Variants in SMG1 observed in about 807,000 individuals in gnomAD.
The protein encoded by SMG1 is serine/threonine-protein kinase SMG1.
SMG1 carries 22 observed loss-of-function variants against 419.9 expected under a neutral mutation model. The ratio of observed to expected loss-of-function variants is 0.05; its 90% CI spans 0.04 to 0.07. The LOEUF (loss-of-function observed/expected upper bound fraction) is 0.07. SMG1 is among the 10% of genes least tolerant of loss of function. SMG1 has a pLI of 1.00. For missense variants in SMG1, 3,185 were observed against 4,342.0 expected (o/e 0.73, Z 7.49); for synonymous variants, 1,538 against 1,553.5 (o/e 0.99, Z 0.23).
intron 15 of SMG1, 85 bp from the exon 16 acceptor site, chr16:18,871,567 C>T: frequency 3.7e-6 from 2 of 539,360 alleles, no homozygotes; most frequent in South Asian, 7.5e-5. Flanking sequence ...TTACATTGGT[C>T]TTCTCTTGGT....
chr16:18,869,639 A>T (rs567976903), intron 19 of SMG1, among the ~76,000 whole-genome samples: 1 of 151,896 alleles, frequency 6.6e-6, no homozygotes, highest in East Asian at 1.9e-4. Context: ...TGTTAACCAC[A>T]TTTCATTACT....
At position 18,859,092 on chromosome 16, in the gene SMG1, A is replaced by G. The variant is rs2035073364; in HGVS notation, c.4043T>C (p.Val1348Ala). The G allele has an allele frequency of 6.5e-7, 1 of 1,528,024 alleles. No homozygotes were observed. The highest frequency in any genetic ancestry group is 1.4e-5 in the African/African-American group (1 of 73,004). The allele number at this position is 1,528,024 out of a possible 1,614,324, so 94.7% of individuals were successfully genotyped here. ...GCAATACAGCTGCAAGGTACTTAGA[A>G]CTGGCAAAGACTGTGAAACTGTTAA... Reference protein sequence around the residue: ...STLTVSQSLPVLSTLQLYCSS... With the variant: ...STLTVSQSLPALSTLQLYCSS... Residue 1348 changes from valine (V) to alanine (A), a missense_variant, in exon 28 of 63, where the codon GTT becomes GCT. Physicochemically the swap from Val to Ala is moderately conservative, Grantham distance 64. Transcript: ENST00000446231.
At chr16:18,916,782 T>C (rs901298653) in intron 1 of SMG1, among the ~76,000 whole-genome samples, 19 of 152,066 alleles carry the variant, frequency 1.2e-4, no homozygotes, top group Non-Finnish European at 1.8e-4. Context: ...CAAAGACAGG[T>C]AACCAAAATA....
At chr16:18,862,630 T>C (rs1194509035) in intron 25 of SMG1, among the ~76,000 whole-genome samples, 1 of 152,226 alleles carries the variant, frequency 6.6e-6, no homozygotes, top group Admixed American at 6.5e-5. Context: ...AAATTAATGG[T>C]CTCCATGCTT....
At chr16:18,883,702 T>A (rs1448198516) in intron 9 of SMG1, among the ~76,000 whole-genome samples, 13 of 152,090 alleles carry the variant, frequency 8.5e-5, no homozygotes, top group African/African-American at 2.4e-5. Context: ...GTGGATCACC[T>A]GAGGTCAGGA....
intron 1 of SMG1, among the ~76,000 whole-genome samples, chr16:18,899,751 C>G (rs1791268645): frequency 1.3e-5 from 2 of 152,042 alleles, no homozygotes; most frequent in African/African-American, 4.8e-5. Context: ...GTTAGAAGAG[C>G]TGAAAGGGAT....
intron 60 of SMG1, among the ~76,000 whole-genome samples, chr16:18,814,029 C>CAAAAAA (rs34998351): frequency 5.0e-5 from 3 of 60,152 alleles, no homozygotes; most frequent in Non-Finnish European, 9.0e-5. Flanking sequence ...AGACTCATCT[C>CAAAAAA]AAAAAAAAAA....
rs764764176 is a variant in SMG1, at chr16:18,841,593, T to A, written c.6668A>T (p.Gln2223Leu). Residue 2223 changes from glutamine (Q) to leucine (L), a missense_variant, in exon 41 of 63, where the codon CAA becomes CTA. Coordinates refer to ENST00000446231, the MANE Select transcript of SMG1 (RefSeq NM_015092.5). ...TTGTGCTTGTAAGGCAGCTTCCCGT[T>A]GTTGCCATCGTTTGTAAAGACCAAA... The part of the protein sequence containing the change: ...PLFGLYKRWQ[Q>L]REAALQAQKA... The A allele has an allele frequency of 6.8e-6, 11 of 1,613,972 alleles. No homozygotes were observed. In the South Asian group the frequency reaches 9.9e-5, roughly 14 times the overall value.
At chr16:18,851,075 G>T (rs2141385665) in intron 33 of SMG1, among the ~76,000 whole-genome samples, 1 of 152,238 alleles carries the variant, frequency 6.6e-6, no homozygotes, top group African/African-American at 2.4e-5. Flanking sequence ...AAAAAAATAA[G>T]CACAATCTGC....
At chr16:18,830,487 A>T (rs1480687613) in intron 51 of SMG1, 118 bp from the exon 52 acceptor site, 2 of 1,189,356 alleles carry the variant, frequency 1.7e-6, no homozygotes, top group Admixed American at 4.9e-5. Flanking sequence ...GCCTTCTGGC[A>T]TTAAGAAGAA....
At chr16:18,871,632 A>T in intron 15 of SMG1, 150 bp from the exon 16 acceptor site, 1 of 463,742 alleles carries the variant, frequency 2.2e-6, no homozygotes, top group Non-Finnish European at 3.9e-6. Flanking sequence ...AACTATAGAA[A>T]TTACTGTCAA....
chr16:18,882,729 G>T (rs1432303077), intron 9 of SMG1, among the ~76,000 whole-genome samples: 2 of 152,154 alleles, frequency 1.3e-5, no homozygotes, highest in African/African-American at 4.8e-5. Flanking sequence ...CAGCTCAACA[G>T]TAAGTCCTCC....
Position 18,859,027 on chromosome 16 carries a change from T to C in SMG1, c.4108A>G (p.Thr1370Ala). The change falls in exon 28 of 63, where the codon ACA becomes GCA. Residue 1370 changes from threonine (T) to alanine (A), a missense_variant. Coordinates refer to ENST00000446231, the MANE Select transcript of SMG1 (RefSeq NM_015092.5). ...LENTVSNRLS[T>A]EDCLIPLFSE... Reference sequence around the variant, plus strand: ...GCTTGTAAAAATATACAGACCTCTGTTGAAAGTCTGTTAGAAACTGTGTTC... The same window carrying C: ...GCTTGTAAAAATATACAGACCTCTGCTGAAAGTCTGTTAGAAACTGTGTTC... 1.3e-6 allele frequency: 2 copies of C among 1,521,010 alleles called. No homozygotes were observed. The highest frequency in any genetic ancestry group is 2.4e-5 in the East Asian group (1 of 41,272). The allele number at this position is 1,521,010 out of a possible 1,614,324, so 94.2% of individuals were successfully genotyped here. A position where few individuals can be genotyped will look rare whatever the true frequency, so the allele number is the denominator to read the frequency against.
intron 25 of SMG1, among the ~76,000 whole-genome samples, chr16:18,862,273 G>T (rs972551796): frequency 1.3e-5 from 2 of 151,904 alleles, no homozygotes; most frequent in Non-Finnish European, 2.9e-5. Flanking sequence ...GTATTTTTTT[G>T]AATGGCCTCC....
intron 28 of SMG1, 193 bp from the exon 29 acceptor site, chr16:18,858,483 A>C: frequency 2.7e-6 from 1 of 368,832 alleles, no homozygotes; most frequent in East Asian, 4.4e-5. Context: ...CAGTAAGAGA[A>C]AGCCTTTTGT....
At chr16:18,828,562 T>C (rs184291354) in intron 54 of SMG1, among the ~76,000 whole-genome samples, 73 of 152,302 alleles carry the variant, frequency 4.8e-4, no homozygotes, top group Non-Finnish European at 1.5e-4. Flanking sequence ...AGGCCAAAAC[T>C]AGGCTTCTAA....
intron 1 of SMG1, among the ~76,000 whole-genome samples, chr16:18,923,701 A>G (rs1482085786): frequency 6.8e-6 from 1 of 146,770 alleles, no homozygotes; most frequent in Admixed American, 6.9e-5. Context: ...AAAATGGTAC[A>G]TAAGAGGCAA....
At chr16:18,853,351 G>A (rs1301862168) in intron 31 of SMG1, among the ~76,000 whole-genome samples, 1 of 152,154 alleles carries the variant, frequency 6.6e-6, no homozygotes, top group African/African-American at 2.4e-5. Context: ...CTTATTGCCA[G>A]CAAAAACATC....
rs575207794 is a variant in SMG1 at position 18,837,333 on chromosome 16, C to T, written c.7524G>A (p.Leu2508=). ...CTATTTCCTCCAGTAGTTTGCCCTGCAGTTTTTCCACATCTGTCAGTTGCT... is the reference window on the plus strand; with the variant it reads ...CTATTTCCTCCAGTAGTTTGCCCTGTAGTTTTTCCACATCTGTCAGTTGCT... The part of the protein sequence containing the change: ...LQEQLTDVEK[L]QGKLLEEIEF... Residue 2508 remains leucine (L), a synonymous_variant, in exon 46 of 63, where the codon CTG becomes CTA. Transcript: ENST00000446231. 1 of 1,613,900 alleles carries T rather than the reference C, an allele frequency of 6.2e-7. No individual in the cohort carries two copies. The highest frequency in any genetic ancestry group is 8.5e-7 in the Non-Finnish European group (1 of 1,179,900).
Sources: gnomAD v4.1 joint callset for allele counts (sites outside exome capture counted in the v4.1 genomes callset) on GRCh38, gnomAD v4.1.1 for gene constraint, MANE v1.5 for transcripts, NCBI Gene and HGNC (gene_info 2026-07-23, HGNC 2026-07-21) for gene names.